CFDP1: variants seen among roughly 807,000 people sequenced by gnomAD.
CFDP1 encodes heterochromatin-stabilizing protein CFDP1.
A neutral mutation model predicts 40.1 loss-of-function variants in CFDP1; 31 were observed. The ratio of observed to expected loss-of-function variants is 0.77; its 90% CI spans 0.58 to 1.04. The LOEUF (loss-of-function observed/expected upper bound fraction) is 1.04. CFDP1 is among the 50% of genes least tolerant of loss of function. CFDP1 has a pLI of 0.00. For missense variants in CFDP1, 423 were observed against 343.4 expected (o/e 1.23, Z -1.83); for synonymous variants, 167 against 120.0 (o/e 1.39, Z -2.56).
intron 5 of CFDP1, among the ~76,000 whole-genome samples, chr16:75,337,461 C>G (rs2078497446): frequency 6.6e-6 from 1 of 152,214 alleles, no homozygotes; most frequent in South Asian, 2.1e-4. Context: ...CAACTAACCT[C>G]TCCAGTCACT....
intron 5 of CFDP1, among the ~76,000 whole-genome samples, chr16:75,329,814 GTCTTACAT>G (rs1199801665): frequency 6.6e-6 from 1 of 152,174 alleles, no homozygotes; most frequent in African/African-American, 2.4e-5. Context: ...CACTCAAAAT[GTCTTACAT>G]TCTTACTCAG....
intron 5 of CFDP1, among the ~76,000 whole-genome samples, chr16:75,327,623 C>A (rs1267144545): frequency 6.6e-6 from 1 of 151,918 alleles, no homozygotes; most frequent in Admixed American, 6.6e-5. Context: ...AACCATCCAG[C>A]CAATCAAATA....
intron 5 of CFDP1, chr16:75,322,059 T>C (rs7199680): frequency 0.75 from 113,784 of 152,080 alleles, 42,692 homozygotes; most frequent in Admixed American, 0.8. Flanking sequence ...CTCCTGACCT[T>C]GTGATCCACC....
chr16:75,365,878 C>G (rs946507274), intron 5 of CFDP1, among the ~76,000 whole-genome samples: 13 of 152,156 alleles, frequency 8.5e-5, no homozygotes, highest in African/African-American at 2.7e-4. Flanking sequence ...TCAAAAAGGC[C>G]AACACTACCA....
At chr16:75,375,681 A>G (rs1317250120) in intron 5 of CFDP1, among the ~76,000 whole-genome samples, 1 of 151,472 alleles carries the variant, frequency 6.6e-6, no homozygotes, top group African/African-American at 2.4e-5. Context: ...AGTCCCAGCT[A>G]CTCCAAGGCT....
At chr16:75,340,576 A>G (rs2078519948) in intron 5 of CFDP1, among the ~76,000 whole-genome samples, 1 of 152,236 alleles carries the variant, frequency 6.6e-6, no homozygotes, top group South Asian at 2.1e-4. Flanking sequence ...GGTAAACAGA[A>G]CATAAATAAA....
At chr16:75,371,087 C>T (rs34532060) in intron 5 of CFDP1, among the ~76,000 whole-genome samples, 24,818 of 152,142 alleles carry the variant, frequency 0.16, 2,191 homozygotes, top group Middle Eastern at 0.22. Flanking sequence ...GTGGACTTCA[C>T]TGTAGTGTTC....
At chr16:75,347,359 A>AAAAAAAAAAAAAAAAAAAAAAAG (rs1555556963) in intron 5 of CFDP1, among the ~76,000 whole-genome samples, 5 of 53,678 alleles carry the variant, frequency 9.3e-5, no homozygotes, top group Non-Finnish European at 1.3e-4. Context: ...AAAAAAAAAA[A>AAAAAAAAAAAAAAAAAAAAAAAG]AAAAAGAAAA....
rs188248347 is a variant in CFDP1 at position 75,356,844 on chromosome 16, C to A, written c.650+38246G>T. On this transcript the variant is annotated intron_variant, in intron 5 of 6. Coordinates refer to ENST00000283882, the MANE Select transcript of CFDP1 (RefSeq NM_006324.3). ...GCTGGATCTTCTAAATAACTTACTGCAGCTTCCGCATCAGAACTTGCTGCT... is the reference window on the plus strand; with the variant it reads ...GCTGGATCTTCTAAATAACTTACTGAAGCTTCCGCATCAGAACTTGCTGCT... 2.1e-3 allele frequency among the ~76,000 whole-genome samples: 321 copies of A among 152,058 alleles called. 2 individuals are homozygous for A. The highest frequency in any genetic ancestry group is 4.1e-3 in the Non-Finnish European group (278 of 67,996).
chr16:75,416,611 T>C (rs2079208852), intron 1 of CFDP1, among the ~76,000 whole-genome samples: 1 of 151,930 alleles, frequency 6.6e-6, no homozygotes, highest in South Asian at 2.1e-4. Context: ...AATACAAAAA[T>C]TAGCTGGGCT....
intron 5 of CFDP1, among the ~76,000 whole-genome samples, chr16:75,328,599 TAAA>T (rs534769130): frequency 1.6e-5 from 1 of 63,924 alleles, no homozygotes; most frequent in African/African-American, 6.7e-5. Context: ...AACTCTGTCT[TAAA>T]AAAAAAAAAA....
chr16:75,395,530 G>A (rs1217537228), intron 4 of CFDP1, among the ~76,000 whole-genome samples: 1 of 151,958 alleles, frequency 6.6e-6, no homozygotes, highest in Non-Finnish European at 1.5e-5. Context: ...GTGGTGGCGG[G>A]CGCCTGTAGT....
intron 4 of CFDP1, among the ~76,000 whole-genome samples, chr16:75,397,913 T>C (rs970281529): frequency 2.6e-5 from 4 of 152,262 alleles, no homozygotes; most frequent in African/African-American, 9.6e-5. Flanking sequence ...CAATGAAGTA[T>C]TAGCTGATCT....
intron 4 of CFDP1, among the ~76,000 whole-genome samples, chr16:75,408,557 T>A (rs529712537): frequency 6.6e-6 from 1 of 151,946 alleles, no homozygotes; most frequent in South Asian, 2.1e-4. Flanking sequence ...GGAGGGTGGA[T>A]CATAAGGTCA....
intron 5 of CFDP1, among the ~76,000 whole-genome samples, chr16:75,370,810 C>G (rs1297657443): frequency 6.6e-6 from 1 of 152,006 alleles, no homozygotes; most frequent in African/African-American, 2.4e-5. Context: ...TGCAATGAGC[C>G]AAGATCATAC....
At chr16:75,311,416 G>A (rs2078291774) in intron 5 of CFDP1, among the ~76,000 whole-genome samples, 1 of 152,120 alleles carries the variant, frequency 6.6e-6, no homozygotes, top group Non-Finnish European at 1.5e-5. Context: ...TGGGATTACA[G>A]GTGTGAGCCA....
chr16:75,388,202 T>G (rs1425301022), intron 5 of CFDP1, among the ~76,000 whole-genome samples: 2 of 152,222 alleles, frequency 1.3e-5, no homozygotes, highest in Non-Finnish European at 2.9e-5. Flanking sequence ...GGGCACAAAG[T>G]TAGTGCCTAC....
chr16:75,427,533 G>A (rs1428898777), intron 1 of CFDP1, among the ~76,000 whole-genome samples: 1 of 152,120 alleles, frequency 6.6e-6, no homozygotes, highest in African/African-American at 2.4e-5. Context: ...ATACAGGCAT[G>A]AGCCACCGCG....
chr16:75,311,302 G>T (rs1228845621), intron 5 of CFDP1, among the ~76,000 whole-genome samples: 3 of 152,076 alleles, frequency 2.0e-5, no homozygotes, highest in Non-Finnish European at 4.4e-5. Flanking sequence ...ACCAAACCCA[G>T]ATAATTTAAA....
Sources: gnomAD v4.1 joint callset for allele counts (sites outside exome capture counted in the v4.1 genomes callset) on GRCh38, gnomAD v4.1.1 for gene constraint, MANE v1.5 for transcripts, NCBI Gene and HGNC (gene_info 2026-07-23, HGNC 2026-07-21) for gene names.